LRP1B: variants seen among roughly 807,000 people sequenced by gnomAD.
LRP1B encodes the protein LDL receptor related protein 1B.
A neutral mutation model predicts 556.6 loss-of-function variants in LRP1B; 217 were observed. The observed-to-expected ratio is 0.39, with a 90% CI of 0.35 to 0.44. The LOEUF is 0.44. Ranked by LOEUF, LRP1B falls within the 20% of genes least tolerant of loss-of-function variation. The probability of loss-of-function intolerance (pLI) is 1.00; values close to 1 mark genes in which losing one functional copy is unlikely to be tolerated. For missense variants in LRP1B, 5,053 were observed against 5,620.8 expected, an observed-to-expected ratio of 0.90 and a Z score of 3.23; for synonymous variants, 2,047 against 1,865.8, an observed-to-expected ratio of 1.10 and a Z score of -2.50.
At chr2:140,913,380 A>T (rs1694480141) in intron 21 of LRP1B, among the ~76,000 whole-genome samples, 1 of 151,924 alleles carries the variant, frequency 6.6e-6, no homozygotes, top group South Asian at 2.1e-4. Flanking sequence ...AGTGCTATGG[A>T]TTTTCAAGGA....
chr2:141,246,442 T>G (rs1684071715), intron 5 of LRP1B, among the ~76,000 whole-genome samples: 1 of 152,202 alleles, frequency 6.6e-6, no homozygotes, highest in Admixed American at 6.5e-5. Context: ...AGTTTAGATT[T>G]TATTTTCAAG....
intron 43 of LRP1B, among the ~76,000 whole-genome samples, chr2:140,546,096 T>A (rs1680328425): frequency 6.6e-6 from 1 of 151,834 alleles, no homozygotes; most frequent in Admixed American, 6.6e-5. Flanking sequence ...TAGTTGTTAG[T>A]GTACAGGAAT....
intron 3 of LRP1B, among the ~76,000 whole-genome samples, chr2:141,390,522 T>C (rs1211272426): frequency 6.6e-6 from 1 of 152,198 alleles, no homozygotes; most frequent in East Asian, 1.9e-4. Context: ...TGCAAAAGAT[T>C]TTAAAAAGTC....
At chr2:140,768,089 T>C (rs973877880) in intron 35 of LRP1B, among the ~76,000 whole-genome samples, 2 of 151,960 alleles carry the variant, frequency 1.3e-5, no homozygotes, top group Non-Finnish European at 1.5e-5. Flanking sequence ...AAATGTGTTA[T>C]ACTTCTTTGT....
intron 43 of LRP1B, among the ~76,000 whole-genome samples, chr2:140,584,070 T>G (rs940832401): frequency 3.9e-5 from 6 of 152,114 alleles, no homozygotes; most frequent in Non-Finnish European, 8.8e-5. Flanking sequence ...TTTATCATTT[T>G]AAATGTTCTC....
At chr2:141,626,465 C>T (rs79154357) in intron 2 of LRP1B, among the ~76,000 whole-genome samples, 2 of 152,128 alleles carry the variant, frequency 1.3e-5, no homozygotes, top group South Asian at 4.1e-4. Flanking sequence ...ATAAGCTGGA[C>T]TTCATTAAAA....
At chr2:141,949,995 A>G (rs1701063513) in intron 1 of LRP1B, among the ~76,000 whole-genome samples, 1 of 152,174 alleles carries the variant, frequency 6.6e-6, no homozygotes, top group South Asian at 2.1e-4. Flanking sequence ...AACTTGGCTG[A>G]TAAAAGAGTT....
chr2:142,015,977 G>A (rs1488578217), intron 1 of LRP1B, among the ~76,000 whole-genome samples: 20 of 62,834 alleles, frequency 3.2e-4, no homozygotes, highest in East Asian at 1.8e-3. Flanking sequence ...GGGCAACAGC[G>A]CGAGACTCCA....
intron 41 of LRP1B, among the ~76,000 whole-genome samples, chr2:140,634,937 A>G (rs932320368): frequency 6.6e-6 from 1 of 152,122 alleles, no homozygotes; most frequent in South Asian, 2.1e-4. Flanking sequence ...AAAGAAATCA[A>G]AGAAAACTAT....
At chr2:140,285,383 A>C (rs1683105358) in intron 84 of LRP1B, among the ~76,000 whole-genome samples, 2 of 147,254 alleles carry the variant, frequency 1.4e-5, no homozygotes, top group African/African-American at 5.1e-5. Flanking sequence ...ATATACACAC[A>C]TATATATATA....
intron 68 of LRP1B, among the ~76,000 whole-genome samples, chr2:140,376,330 A>G (rs1056078559): frequency 6.6e-6 from 1 of 152,210 alleles, no homozygotes; most frequent in African/African-American, 2.4e-5. Flanking sequence ...TCTTGTGAAT[A>G]TGATTCAAGA....
In LRP1B at chr2:141,048,896, G is replaced by A. The variant is rs577675865; in HGVS notation, c.1789+90C>T. ...AACCAACCAGAAGAACTTGAGTTCT[G>A]GTTAAAGCTAGTCTGACACACACTG... is the stretch of plus-strand genomic sequence containing the variant. On this transcript the variant is annotated intron_variant, in intron 11 of 90. Coordinates refer to ENST00000389484, the MANE Select transcript of LRP1B (RefSeq NM_018557.3). The A allele has an allele frequency of 6.9e-5, 68 of 980,610 alleles. 1 individual carries two copies. In the African/African-American group the frequency reaches 9.2e-4, roughly 13 times the overall value. The allele number at this position is 980,610 out of a possible 1,614,324, so 60.7% of individuals were successfully genotyped here. A position where few individuals can be genotyped will look rare whatever the true frequency, so the allele number is the denominator to read the frequency against.
At chr2:141,826,349 CA>C (rs1281241732) in intron 1 of LRP1B, among the ~76,000 whole-genome samples, 1 of 138,602 alleles carries the variant, frequency 7.2e-6, no homozygotes, top group Admixed American at 8.0e-5. Context: ...CCATACTTTT[CA>C]GAAGTTTTTT....
At chr2:141,087,052 A>G (rs1700064552) in intron 7 of LRP1B, among the ~76,000 whole-genome samples, 2 of 152,244 alleles carry the variant, frequency 1.3e-5, no homozygotes, top group Admixed American at 1.3e-4. Flanking sequence ...CTGTGGCGGC[A>G]GCAATGTAGA....
intron 15 of LRP1B, among the ~76,000 whole-genome samples, chr2:140,997,181 G>A (rs1401889883): frequency 6.6e-6 from 1 of 151,912 alleles, no homozygotes; most frequent in Non-Finnish European, 1.5e-5. Flanking sequence ...TGGTATGCTT[G>A]TCATGGAACT....
chr2:141,704,979 A>G (rs1692084536), intron 2 of LRP1B, among the ~76,000 whole-genome samples: 1 of 152,050 alleles, frequency 6.6e-6, no homozygotes, highest in South Asian at 2.1e-4. Context: ...GTTATATAGT[A>G]AAAGGTTAAT....
chr2:140,651,419 G>A (rs1327686088), intron 41 of LRP1B, among the ~76,000 whole-genome samples: 1 of 148,122 alleles, frequency 6.8e-6, no homozygotes, highest in Non-Finnish European at 1.5e-5. Context: ...GAGTTAGTGG[G>A]TGCAGCGCAC....
chr2:141,034,090 C>A (rs1698458395), intron 11 of LRP1B, among the ~76,000 whole-genome samples: 1 of 152,032 alleles, frequency 6.6e-6, no homozygotes, highest in Non-Finnish European at 1.5e-5. Flanking sequence ...TTAAAAAAAT[C>A]TCTTTTAGTT....
intron 2 of LRP1B, among the ~76,000 whole-genome samples, chr2:141,666,410 A>G (rs950353350): frequency 2.0e-5 from 3 of 152,200 alleles, no homozygotes; most frequent in Non-Finnish European, 1.5e-5. Context: ...TTTAAGAGAC[A>G]GGTCTGGTTA....
Sources: gnomAD v4.1 joint callset for allele counts (sites outside exome capture counted in the v4.1 genomes callset) on GRCh38, gnomAD v4.1.1 for gene constraint, MANE v1.5 for transcripts, NCBI Gene and HGNC (gene_info 2026-07-23, HGNC 2026-07-21) for gene names.